ST3GAL4: variants seen among roughly 807,000 people sequenced by gnomAD.
ST3GAL4 encodes CMP-N-acetylneuraminate-beta-galactosamide-alpha-2,3-sialyltransferase 4.
A neutral mutation model predicts 42.6 loss-of-function variants in ST3GAL4; 24 were observed. The observed-to-expected ratio is 0.56, with a 90% confidence interval of 0.41 to 0.79. The LOEUF (loss-of-function observed/expected upper bound fraction) is 0.79. Ranked by LOEUF, ST3GAL4 falls within the 30% of genes least tolerant of loss-of-function variation. The pLI, the probability that ST3GAL4 is intolerant of heterozygous loss-of-function variation, is 0.00. For synonymous variants in ST3GAL4, 135 were observed against 163.2 expected (o/e 0.83, Z 1.32); for missense variants, 311 against 430.8 (o/e 0.72, Z 2.46).
Position 126,378,915 on chromosome 11 carries a change from A to T in ST3GAL4, c.-61+23073A>T, listed in dbSNP as rs939060392. Among the ~76,000 whole-genome samples, 1 of 152,218 alleles carries T rather than the reference A, an allele frequency of 6.6e-6. No individual in the cohort carries two copies. The highest frequency in any genetic ancestry group is 1.5e-5 in the Non-Finnish European group (1 of 68,038). On this transcript the variant is annotated intron_variant, in intron 1 of 10. Transcript: ENST00000444328. The surrounding 1 kb of genome is among the most constrained non-coding windows in gnomAD (Gnocchi z 5.3). ...TTCATAATCTGTGTCAAACCTAAGA[A>T]TTTGAGTACAGAGGGATTCTGGAAC...
chr11:126,365,780 TC>T (rs1262924832), intron 1 of ST3GAL4, among the ~76,000 whole-genome samples: 1 of 152,088 alleles, frequency 6.6e-6, no homozygotes, highest in Non-Finnish European at 1.5e-5. Context: ...GAGAGGACAG[TC>T]CCTGTCACTG....
chr11:126,357,939 T>A (rs1313843882), intron 1 of ST3GAL4, among the ~76,000 whole-genome samples: 1 of 152,222 alleles, frequency 6.6e-6, no homozygotes, highest in East Asian at 1.9e-4. Context: ...AATACAAATG[T>A]TTCCGTGCCT....
intron 1 of ST3GAL4, among the ~76,000 whole-genome samples, chr11:126,404,851 G>A (rs1452207596): frequency 6.6e-6 from 1 of 152,232 alleles, no homozygotes; most frequent in Non-Finnish European, 1.5e-5. Context: ...GAATGAGCCC[G>A]CTGGGGAGCA....
In ST3GAL4 at chr11:126,391,446, G is replaced by T. The variant is rs1258264584; in HGVS notation, c.-60-14650G>T. Among the ~76,000 whole-genome samples, 1 of 152,188 alleles carries T rather than the reference G, an allele frequency of 6.6e-6. No individual in the cohort carries two copies. The highest frequency in any genetic ancestry group is 6.5e-5 in the Admixed American group (1 of 15,280). On this transcript the variant is annotated intron_variant, in intron 1 of 10. Coordinates refer to ENST00000444328, the MANE Select transcript of ST3GAL4 (RefSeq NM_001254757.2). This position sits in a 1 kb window ranked among gnomAD's most constrained non-coding sequence, Gnocchi z 5.5. ...TGGGGGTGCTGTTTCGGAGAGCGAT[G>T]AATCAGGGGCTTGGGTGCTGACTTT...
intron 1 of ST3GAL4, among the ~76,000 whole-genome samples, chr11:126,361,580 C>T (rs1470335234): frequency 6.6e-6 from 1 of 152,064 alleles, no homozygotes; most frequent in Admixed American, 6.5e-5. Context: ...TCCGTGGCCA[C>T]CCAGCACCGG....
At chr11:126,364,551 T>C (rs565890367) in intron 1 of ST3GAL4, among the ~76,000 whole-genome samples, 2 of 142,790 alleles carry the variant, frequency 1.4e-5, no homozygotes, top group East Asian at 4.5e-4. Context: ...TGAGGTGAGG[T>C]CAGGTGTTGG....
chr11:126,388,452 T>C (rs1341291704), intron 1 of ST3GAL4, among the ~76,000 whole-genome samples: 1 of 152,020 alleles, frequency 6.6e-6, no homozygotes, highest in Non-Finnish European at 1.5e-5. Context: ...TGCCTCAGCC[T>C]CCTAAGTAGC....
In ST3GAL4 at chr11:126,392,710, T is replaced by C. The variant is rs185174071; in HGVS notation, c.-60-13386T>C. ...CTATGGGACATAAGAAGTCCCTGCT[T>C]GCTGGGAGTGCGTGGTCTAATTGGT... On this transcript the variant is annotated intron_variant, in intron 1 of 10. Transcript: ENST00000444328. This position sits in a 1 kb window ranked among gnomAD's most constrained non-coding sequence, Gnocchi z 5.8. Among the ~76,000 whole-genome samples, 1 of 152,202 alleles carries C rather than the reference T, an allele frequency of 6.6e-6. No homozygotes were observed. Among genetic ancestry groups the C allele is most frequent in the Non-Finnish European group, 1.5e-5 (1 of 68,042 alleles).
intron 1 of ST3GAL4, among the ~76,000 whole-genome samples, chr11:126,389,969 C>T (rs1164572654): frequency 1.4e-5 from 2 of 142,964 alleles, no homozygotes; most frequent in African/African-American, 2.7e-5. Flanking sequence ...GTCAGGAGAT[C>T]GAGACCATTC....
At chr11:126,390,791 T>A (rs1953483244) in intron 1 of ST3GAL4, among the ~76,000 whole-genome samples, 1 of 152,070 alleles carries the variant, frequency 6.6e-6, no homozygotes, top group African/African-American at 2.4e-5. Flanking sequence ...TCTCCCGAAC[T>A]CTCTTCATCT....
chr11:126,357,640 C>T (rs1224185040), intron 1 of ST3GAL4, among the ~76,000 whole-genome samples: 1 of 152,200 alleles, frequency 6.6e-6, no homozygotes, highest in East Asian at 1.9e-4. Context: ...AGAATCTGCT[C>T]CTTTCTGGAC....
intron 1 of ST3GAL4, among the ~76,000 whole-genome samples, chr11:126,401,586 A>G (rs1953994967): frequency 6.6e-6 from 1 of 150,616 alleles, no homozygotes; most frequent in Non-Finnish European, 1.5e-5. Flanking sequence ...AAGAAAAAAA[A>G]AAAGGTGGGC....
intron 1 of ST3GAL4, among the ~76,000 whole-genome samples, chr11:126,362,880 G>T (rs990821441): frequency 2.0e-5 from 3 of 152,230 alleles, no homozygotes; most frequent in African/African-American, 7.2e-5. Flanking sequence ...AGGGAGCAGA[G>T]ACTCAGAAAA....
intron 1 of ST3GAL4, 181 bp from the exon 2 acceptor site, chr11:126,405,915 C>A: frequency 2.8e-6 from 2 of 725,308 alleles, no homozygotes; most frequent in South Asian, 1.9e-5. Flanking sequence ...TCCTTAATGC[C>A]GCCCTTGGAG....
At chr11:126,368,923 C>G (rs1372093623) in intron 1 of ST3GAL4, among the ~76,000 whole-genome samples, 1 of 152,112 alleles carries the variant, frequency 6.6e-6, no homozygotes, top group Non-Finnish European at 1.5e-5. Context: ...CACACACACC[C>G]CTCCCCCACC....
Position 126,408,133 on chromosome 11 carries a change from G to A in ST3GAL4, c.376G>A (p.Gly126Arg), listed in dbSNP as rs1428431141. The stretch of plus-strand genomic sequence containing the variant: ...CCGCCGCTGTGTGGTCGTGGGGAAC[G>A]GGCACCGGCTGCGGAACAGCTCACT... ...RCRRCVVVGNGHRLRNSSLGD... is the reference protein window; with the variant it reads ...RCRRCVVVGNRHRLRNSSLGD... The change falls in exon 7 of 11, where the codon GGG becomes AGG. Residue 126 changes from glycine to arginine, a missense_variant. By Grantham distance (125) the Gly-to-Arg change is moderately radical (BLOSUM62 -2). Transcript: ENST00000444328. 2 of 1,614,092 alleles carry A rather than the reference G, an allele frequency of 1.2e-6. No individual in the cohort carries two copies. Among genetic ancestry groups the A allele is most frequent in the Admixed American group, 1.7e-5 (1 of 60,010 alleles).
At chr11:126,409,000 C>T (rs1393104293) in intron 8 of ST3GAL4, among the ~76,000 whole-genome samples, 1 of 152,212 alleles carries the variant, frequency 6.6e-6, no homozygotes, top group Non-Finnish European at 1.5e-5. Context: ...TGTGGATGTT[C>T]TTGGAAGTGG....
chr11:126,364,106 G>A (rs999062065), intron 1 of ST3GAL4, among the ~76,000 whole-genome samples: 6 of 152,360 alleles, frequency 3.9e-5, no homozygotes, highest in Middle Eastern at 3.4e-3. Context: ...CTCCCTGCCC[G>A]GAGTCCCAAC....
rs927590461 is a variant in ST3GAL4 at position 126,400,594 on chromosome 11, A to G, written c.-60-5502A>G. ...GCAGACTGAAGGGGCCTGGTTACCT[A>G]AGGGACCTTGGCTTCATGTAAGGAG... On this transcript the variant is annotated intron_variant, in intron 1 of 10. Transcript: ENST00000444328. The surrounding 1 kb of genome is among the most constrained non-coding windows in gnomAD (Gnocchi z 4.6). Among the ~76,000 whole-genome samples the G allele has an allele frequency of 5.3e-5, 8 of 152,182 alleles. No individual in the cohort carries two copies. Among genetic ancestry groups the G allele is most frequent in the Non-Finnish European group, 1.0e-4 (7 of 68,032 alleles).
Sources: gnomAD v4.1 joint callset for allele counts (sites outside exome capture counted in the v4.1 genomes callset) on GRCh38, gnomAD v4.1.1 for gene constraint, Gnocchi (gnomAD v3.1) non-coding constraint, MANE v1.5 for transcripts, NCBI Gene and HGNC (gene_info 2026-07-23, HGNC 2026-07-21) for gene names.